SLC25A48: variants seen among roughly 807,000 people sequenced by gnomAD.
SLC25A48 encodes the protein CTC-321K16.1.
In SLC25A48, 29 loss-of-function variants were observed where a neutral mutation model predicts 32.2. The ratio of observed to expected loss-of-function variants is 0.90; its 90% CI spans 0.67 to 1.23. The LOEUF is 1.23. Ranked by LOEUF, SLC25A48 falls within the 50% of genes most tolerant of loss-of-function variation. The probability of loss-of-function intolerance (pLI) is 0.00; values close to 1 mark genes in which losing one functional copy is unlikely to be tolerated. For missense variants in SLC25A48, 399 were observed against 422.7 expected, an observed-to-expected ratio of 0.94 and a Z score of 0.49; for synonymous variants, 164 against 172.3, an observed-to-expected ratio of 0.95 and a Z score of 0.38.
chr5:135,599,501 A>T (rs1751736652), intron 1 of SLC25A48, among the ~76,000 whole-genome samples: 1 of 152,052 alleles, frequency 6.6e-6, no homozygotes, highest in Non-Finnish European at 1.5e-5. Flanking sequence ...TCGTGTTGGG[A>T]TCTGCAGGTA....
chr5:135,646,819 G>C (rs1002158857), intron 3 of SLC25A48, among the ~76,000 whole-genome samples: 1 of 151,514 alleles, frequency 6.6e-6, no homozygotes, highest in Admixed American at 6.6e-5. Context: ...TGACTAGGGA[G>C]TGGGGGAAAT....
chr5:135,832,679 C>A (rs1411898336), upstream of SLC25A48, among the ~76,000 whole-genome samples: 1 of 152,182 alleles, frequency 6.6e-6, no homozygotes, highest in Non-Finnish European at 1.5e-5. Context: ...AAGGCACTAG[C>A]ACAGACTGAT....
At chr5:135,688,754 G>C (rs1351662127) in intron 3 of SLC25A48, among the ~76,000 whole-genome samples, 1 of 152,206 alleles carries the variant, frequency 6.6e-6, no homozygotes, top group African/African-American at 2.4e-5. Context: ...GCTGCCACTG[G>C]TGCAGAGGAG....
intron 4 of SLC25A48, among the ~76,000 whole-genome samples, chr5:135,828,223 C>T (rs1175831672): frequency 6.6e-6 from 1 of 152,264 alleles, no homozygotes; most frequent in Non-Finnish European, 1.5e-5. Flanking sequence ...CAGTTTGCTT[C>T]TGGCCCACCT....
chr5:135,844,072 T>C (rs1168988485), intron 2 of SLC25A48, among the ~76,000 whole-genome samples: 1 of 152,156 alleles, frequency 6.6e-6, no homozygotes, highest in Non-Finnish European at 1.5e-5. Flanking sequence ...TTAGAAACCT[T>C]TTCCACCTCT....
chr5:135,760,079 C>T lies in SLC25A48; in HGVS notation c.-520-52444C>T, dbSNP rs149371794. Among the ~76,000 whole-genome samples the T allele has an allele frequency of 4.7e-3, 717 of 152,168 alleles. 3 individuals carry two copies. Among genetic ancestry groups the T allele is most frequent in the Middle Eastern group, 0.014 (4 of 294 alleles). Reference sequence around the variant, plus strand: ...ATCTTGGCCTCAAGTGATCCACCACCCTCAGCCTTCCAAAGTGCTGGGATT... The same window carrying T: ...ATCTTGGCCTCAAGTGATCCACCACTCTCAGCCTTCCAAAGTGCTGGGATT... On this transcript the variant is annotated intron_variant, in intron 3 of 10. Transcript: ENST00000646290.
intron 3 of SLC25A48, among the ~76,000 whole-genome samples, chr5:135,771,915 C>A (rs1284998777): frequency 6.6e-6 from 1 of 151,074 alleles, no homozygotes; most frequent in African/African-American, 2.4e-5. Flanking sequence ...CTTCCAATAC[C>A]ACAGGTAGTG....
intron 6 of SLC25A48, chr5:135,874,919 A>C (rs1761935230): frequency 4.5e-6 from 2 of 447,274 alleles, no homozygotes; most frequent in Non-Finnish European, 7.8e-6. Context: ...GTTCAAAGTC[A>C]GATGTAGCTA....
chr5:135,750,989 C>G (rs1755758280), intron 3 of SLC25A48, among the ~76,000 whole-genome samples: 1 of 152,204 alleles, frequency 6.6e-6, no homozygotes, highest in African/African-American at 2.4e-5. Flanking sequence ...CCTCAGTGCT[C>G]TCAGCCAAGG....
intron 4 of SLC25A48, among the ~76,000 whole-genome samples, chr5:135,868,914 C>T (rs1315019402): frequency 2.0e-5 from 3 of 152,068 alleles, no homozygotes; most frequent in Non-Finnish European, 4.4e-5. Context: ...CTGGTCAGGT[C>T]ACTCTTACCT....
At chr5:135,797,162 G>T (rs1269468476) in intron 3 of SLC25A48, among the ~76,000 whole-genome samples, 1 of 151,826 alleles carries the variant, frequency 6.6e-6, no homozygotes, top group Non-Finnish European at 1.5e-5. Flanking sequence ...AATATCCAGG[G>T]GTGAAGAAGA....
chr5:135,788,193 G>A (rs1480681346), intron 3 of SLC25A48, among the ~76,000 whole-genome samples: 1 of 150,764 alleles, frequency 6.6e-6, no homozygotes, highest in African/African-American at 2.4e-5. Flanking sequence ...TACTTCCCTT[G>A]TAGCGGGGGT....
intron 4 of SLC25A48, among the ~76,000 whole-genome samples, chr5:135,814,542 G>T (rs2126654108): frequency 6.6e-6 from 1 of 152,270 alleles, no homozygotes; most frequent in South Asian, 2.1e-4. Flanking sequence ...AAAGGCTAGT[G>T]TCCCTCTCCT....
rs801542 is a variant in SLC25A48 at position 135,662,029 on chromosome 5, C to T, written c.-521+27073C>T. On this transcript the variant is annotated intron_variant, in intron 3 of 10. Coordinates refer to the SLC25A48 transcript ENST00000646290. ...GGTGGTGCCCTATGAAAAGATCATA[C>T]CCCCCACTATTAACCTTCCACTGGC... 6.2e-3 allele frequency among the ~76,000 whole-genome samples: 938 copies of T among 152,206 alleles called. 2 individuals carry two copies. Among genetic ancestry groups the T allele is most frequent in the Non-Finnish European group, 0.011 (731 of 68,014 alleles).
intron 3 of SLC25A48, among the ~76,000 whole-genome samples, chr5:135,787,440 G>C (rs1263636224): frequency 6.6e-6 from 1 of 151,970 alleles, no homozygotes; most frequent in African/African-American, 2.4e-5. Flanking sequence ...CACAGTGTGT[G>C]TACACCCTGT....
intron 3 of SLC25A48, among the ~76,000 whole-genome samples, chr5:135,682,314 T>C (rs2126951167): frequency 6.6e-6 from 1 of 152,278 alleles, no homozygotes; most frequent in East Asian, 1.9e-4. Flanking sequence ...TTTGTTGTGT[T>C]GCTTAGGGTA....
intron 3 of SLC25A48, among the ~76,000 whole-genome samples, chr5:135,726,391 A>C (rs1432948535): frequency 6.6e-6 from 1 of 152,252 alleles, no homozygotes; most frequent in African/African-American, 2.4e-5. Flanking sequence ...ACCTCCATAC[A>C]GTCAAATGGA....
At chr5:135,732,791 G>A (rs917440932) in intron 3 of SLC25A48, among the ~76,000 whole-genome samples, 2 of 152,172 alleles carry the variant, frequency 1.3e-5, no homozygotes, top group African/African-American at 2.4e-5. Context: ...TTCAGTGGGG[G>A]AGTAGGTGGG....
At chr5:135,822,304 C>A (rs1446815189) in intron 4 of SLC25A48, among the ~76,000 whole-genome samples, 1 of 152,232 alleles carries the variant, frequency 6.6e-6, no homozygotes, top group Non-Finnish European at 1.5e-5. Flanking sequence ...GAGTTAGTGT[C>A]CTAGGGCTGC....
Sources: allele counts gnomAD v4.1 joint callset (sites outside exome capture counted in the v4.1 genomes callset), GRCh38; gene constraint gnomAD v4.1.1; transcripts MANE v1.5; gene names NCBI Gene and HGNC (gene_info 2026-07-23, HGNC 2026-07-21).